Variants in BRAF observed in about 807,000 individuals in gnomAD.
BRAF encodes B-Raf proto-oncogene, serine/threonine kinase, also known as serine/threonine-protein kinase B-raf.
Under a neutral mutation model 104.6 loss-of-function variants are expected in BRAF, and 16 were observed. That is an observed-to-expected ratio of 0.15 (90% confidence interval 0.10 to 0.23). The LOEUF is 0.23. Among genes scored for constraint, BRAF ranks in the 10% least tolerant of loss-of-function variants. BRAF has a pLI of 1.00. For synonymous variants in BRAF, 310 were observed against 341.6 expected (o/e 0.91, Z 1.02); for missense variants, 541 against 937.3 (o/e 0.58, Z 5.52).
intron 8 of BRAF, among the ~76,000 whole-genome samples, chr7:140,788,981 C>A (rs1801669168): frequency 6.6e-6 from 1 of 151,604 alleles, no homozygotes; most frequent in South Asian, 2.1e-4. Flanking sequence ...GAGGCTGAGG[C>A]TGGTGGATCA....
At chr7:140,798,559 CT>C (rs1033928919) in intron 7 of BRAF, among the ~76,000 whole-genome samples, 14,544 of 125,324 alleles carry the variant, frequency 0.12, 1,007 homozygotes, top group African/African-American at 0.21. Context: ...CGCGCCCGGC[CT>C]TTTTTTTTTT....
At chr7:140,864,586 G>A (rs2129086270) in intron 1 of BRAF, among the ~76,000 whole-genome samples, 1 of 152,172 alleles carries the variant, frequency 6.6e-6, no homozygotes, top group South Asian at 2.1e-4. Flanking sequence ...ACATTTACAA[G>A]AGAAACCAAA....
At chr7:140,879,284 A>C (rs1812606591) in intron 1 of BRAF, among the ~76,000 whole-genome samples, 1 of 149,862 alleles carries the variant, frequency 6.7e-6, no homozygotes, top group African/African-American at 2.5e-5. Context: ...CGGGTTCAAA[A>C]GAGTCTCCTG....
chr7:140,876,743 A>G (rs910306500), intron 1 of BRAF, among the ~76,000 whole-genome samples: 2 of 152,216 alleles, frequency 1.3e-5, no homozygotes, highest in African/African-American at 4.8e-5. Context: ...TAGAACTAGT[A>G]GACAGAAAAT....
chr7:140,821,766 A>G (rs1304668388), intron 3 of BRAF, among the ~76,000 whole-genome samples: 1 of 152,188 alleles, frequency 6.6e-6, no homozygotes, highest in Non-Finnish European at 1.5e-5. Context: ...GAATCATTCT[A>G]CGAAAAAACC....
At chr7:140,824,514 T>C (rs1805801827) in intron 3 of BRAF, 1 of 152,222 alleles carries the variant, frequency 6.6e-6, no homozygotes, top group African/African-American at 2.4e-5. Flanking sequence ...CACTTAGTTT[T>C]GATTACTCTA....
At chr7:140,868,381 G>C (rs899086380) in intron 1 of BRAF, among the ~76,000 whole-genome samples, 1 of 152,112 alleles carries the variant, frequency 6.6e-6, no homozygotes, top group Non-Finnish European at 1.5e-5. Context: ...CCATTCAGTG[G>C]AATTTTACTT....
intron 1 of BRAF, among the ~76,000 whole-genome samples, chr7:140,863,149 G>A (rs1810592142): frequency 6.6e-6 from 1 of 151,590 alleles, no homozygotes; most frequent in Non-Finnish European, 1.5e-5. Flanking sequence ...TCTCGTCCCA[G>A]CATTTATAAA....
chr7:140,801,350 C>A lies in BRAF; in HGVS notation c.860+62G>T. ...CACAGACTTTTAGACATCGTAGCTT[C>A]ACATTAAGAAAATTTAAGTGTAAAA... On this transcript the variant is annotated intron_variant, in intron 6 of 19. Transcript: ENST00000644969. 3 of 1,576,330 alleles carry A rather than the reference C, an allele frequency of 1.9e-6. No individual in the cohort carries two copies. In the East Asian group the frequency reaches 6.7e-5, roughly 35 times the overall value.
intron 1 of BRAF, among the ~76,000 whole-genome samples, chr7:140,908,440 T>C (rs933118384): frequency 6.6e-6 from 1 of 152,072 alleles, no homozygotes; most frequent in African/African-American, 2.4e-5. Flanking sequence ...ATGAAAGGCC[T>C]TTCTCCACAC....
intron 1 of BRAF, among the ~76,000 whole-genome samples, chr7:140,869,739 G>A (rs1283028403): frequency 1.3e-5 from 2 of 152,126 alleles, no homozygotes; most frequent in African/African-American, 4.8e-5. Context: ...TATTCATGCT[G>A]TTGTCATTCA....
intron 19 of BRAF, among the ~76,000 whole-genome samples, chr7:140,726,847 T>A (rs1412601494): frequency 6.6e-6 from 1 of 152,246 alleles, no homozygotes; most frequent in African/African-American, 2.4e-5. Context: ...AATGTCAATT[T>A]GTAGAATACT....
chr7:140,867,915 G>A (rs902165186), intron 1 of BRAF, among the ~76,000 whole-genome samples: 1 of 152,138 alleles, frequency 6.6e-6, no homozygotes, highest in Admixed American at 6.5e-5. Context: ...TTGTAATGTA[G>A]TATTAGCAAA....
chr7:140,833,032 C>A (rs547266001), intron 3 of BRAF, among the ~76,000 whole-genome samples: 4 of 152,152 alleles, frequency 2.6e-5, no homozygotes, highest in African/African-American at 7.2e-5. Flanking sequence ...CACCACCACG[C>A]CCCGCTAATC....
At chr7:140,860,917 C>A (rs927829112) in intron 1 of BRAF, among the ~76,000 whole-genome samples, 2 of 152,112 alleles carry the variant, frequency 1.3e-5, no homozygotes, top group Non-Finnish European at 2.9e-5. Flanking sequence ...AGAACCAACT[C>A]AAATGTTCCC....
intron 1 of BRAF, among the ~76,000 whole-genome samples, chr7:140,919,822 G>GTTTTTTTTTTTTTT (rs796957025): frequency 8.3e-6 from 1 of 121,092 alleles, no homozygotes; most frequent in African/African-American, 2.5e-5. Context: ...CTACAAGCAA[G>GTTTTTTTTTTTTTT]TTTTTTTGTT....
At chr7:140,875,601 C>T (rs573865418) in intron 1 of BRAF, among the ~76,000 whole-genome samples, 29 of 152,324 alleles carry the variant, frequency 1.9e-4, no homozygotes, top group African/African-American at 6.5e-4. Context: ...TGGTCTCGAA[C>T]TCCCGACCTC....
intron 1 of BRAF, among the ~76,000 whole-genome samples, chr7:140,865,658 T>A (rs1810887734): frequency 6.6e-6 from 1 of 152,216 alleles, no homozygotes; most frequent in Admixed American, 6.5e-5. Context: ...ATGGTAAAAC[T>A]GTAATCAGGA....
chr7:140,916,165 T>G (rs1472018849), intron 1 of BRAF, among the ~76,000 whole-genome samples: 1 of 152,212 alleles, frequency 6.6e-6, no homozygotes. Flanking sequence ...AACATGTGTT[T>G]CCTGTTATTT....
Sources: gnomAD v4.1 joint callset for allele counts (sites outside exome capture counted in the v4.1 genomes callset) on GRCh38, gnomAD v4.1.1 for gene constraint, MANE v1.5 for transcripts, NCBI Gene and HGNC (gene_info 2026-07-23, HGNC 2026-07-21) for gene names.